Variants in SLC6A6 observed in about 807,000 individuals in gnomAD.
SLC6A6 encodes sodium- and chloride-dependent taurine transporter.
SLC6A6 carries 16 observed loss-of-function variants against 68.8 expected under a neutral mutation model. That is an observed-to-expected ratio of 0.23 (90% CI 0.16 to 0.35). The LOEUF is 0.35. SLC6A6 is among the 10% of genes least tolerant of loss of function. SLC6A6 has a pLI of 1.00. For missense variants in SLC6A6, 474 were observed against 802.8 expected, an observed-to-expected ratio of 0.59 and a Z score of 4.95; for synonymous variants, 312 against 315.4, an observed-to-expected ratio of 0.99 and a Z score of 0.12.
chr3:14,440,312 G>C (rs1390113552), intron 2 of SLC6A6, among the ~76,000 whole-genome samples: 1 of 152,112 alleles, frequency 6.6e-6, no homozygotes, highest in Admixed American at 6.5e-5. Context: ...CAGGGTGCCT[G>C]GGGCAGCTGG....
At chr3:14,470,308 C>T (rs1310711451) in intron 9 of SLC6A6, among the ~76,000 whole-genome samples, 1 of 152,214 alleles carries the variant, frequency 6.6e-6, no homozygotes, top group Non-Finnish European at 1.5e-5. Flanking sequence ...GATTATTTCT[C>T]TAATAAGCTT....
chr3:14,456,857 G>GA, intron 5 of SLC6A6, among the ~76,000 whole-genome samples: 1 of 152,244 alleles, frequency 6.6e-6, no homozygotes, highest in Non-Finnish European at 1.5e-5. Flanking sequence ...AAACACCCTG[G>GA]AGCATGCAGA....
chr3:14,422,356 C>CT (rs1699504054), intron 2 of SLC6A6, among the ~76,000 whole-genome samples: 1 of 152,164 alleles, frequency 6.6e-6, no homozygotes, highest in Admixed American at 6.5e-5. Context: ...TGTGTGACCT[C>CT]TGATTCGCCA....
intron 2 of SLC6A6, among the ~76,000 whole-genome samples, chr3:14,435,347 C>T (rs748930730): frequency 3.3e-5 from 5 of 152,026 alleles, no homozygotes; most frequent in South Asian, 2.1e-4. Flanking sequence ...TAGCGGAGGT[C>T]GGGGGTCTCT....
chr3:14,421,581 G>T (rs745990988), intron 2 of SLC6A6, among the ~76,000 whole-genome samples: 1 of 152,212 alleles, frequency 6.6e-6, no homozygotes, highest in Non-Finnish European at 1.5e-5. Flanking sequence ...GTTATTGCTC[G>T]TAGTATTGTG....
At chr3:14,444,639 G>C in intron 3 of SLC6A6, 1 of 427,454 alleles carries the variant, frequency 2.3e-6, no homozygotes, top group Non-Finnish European at 4.8e-6. Flanking sequence ...TCAAAGGCTT[G>C]TGTGTCAGCA....
At chr3:14,418,604 G>A (rs1699416882) in intron 2 of SLC6A6, among the ~76,000 whole-genome samples, 1 of 152,216 alleles carries the variant, frequency 6.6e-6, no homozygotes, top group Non-Finnish European at 1.5e-5. Context: ...CCTGGACTCA[G>A]CATGCTCATA....
rs1334833624 is a variant in SLC6A6 at position 14,488,259 on chromosome 3, A to G, written c.*3252A>G. 5 of 152,428 alleles carry G rather than the reference A, an allele frequency of 3.3e-5. No individual in the cohort carries two copies. The highest frequency in any genetic ancestry group is 3.3e-4 in the Admixed American group (5 of 15,270). 9.4% of individuals were successfully genotyped at this position (152,428 alleles called of 1,614,324 possible). On this transcript the variant is annotated 3_prime_UTR_variant, in exon 15 of 15. Transcript: ENST00000622186. ...GCCTTGGATGCTCTCCTTCCAGGACAGCATAACCCCTGGGCCATGTGCAGC... is the reference window on the plus strand; with the variant it reads ...GCCTTGGATGCTCTCCTTCCAGGACGGCATAACCCCTGGGCCATGTGCAGC...
intron 5 of SLC6A6, among the ~76,000 whole-genome samples, chr3:14,449,199 CCTTA>C (rs1700199760): frequency 6.6e-6 from 1 of 152,212 alleles, no homozygotes; most frequent in South Asian, 2.1e-4. Context: ...GGTGTGGAGC[CCTTA>C]CTTGGTCGGT....
At chr3:14,435,839 A>G (rs1056015028) in intron 2 of SLC6A6, among the ~76,000 whole-genome samples, 1 of 152,228 alleles carries the variant, frequency 6.6e-6, no homozygotes, top group Non-Finnish European at 1.5e-5. Flanking sequence ...ATCCAGCCCC[A>G]GTGGGCACCA....
At chr3:14,428,280 G>A (rs769600241) in intron 2 of SLC6A6, among the ~76,000 whole-genome samples, 40 of 152,344 alleles carry the variant, frequency 2.6e-4, no homozygotes, top group Middle Eastern at 3.4e-3. Flanking sequence ...GTTGGCCAGT[G>A]TTTGAGCCCT....
chr3:14,427,223 G>C (rs573266151), intron 2 of SLC6A6, among the ~76,000 whole-genome samples: 1 of 148,176 alleles, frequency 6.7e-6, no homozygotes, highest in South Asian at 2.1e-4. Context: ...AGCTCTTCCA[G>C]ATTAGCCCCA....
rs1025476496 is a variant in SLC6A6, at chr3:14,485,073, C to G, written c.*66C>G. On this transcript the variant is annotated 3_prime_UTR_variant, in exon 15 of 15. Coordinates refer to ENST00000622186, the MANE Select transcript of SLC6A6 (RefSeq NM_003043.6). ...TACTAACATTAGATTCTCATAGGACCAGGTTTACAGAGCTTTATATTTGCA... is the reference window on the plus strand; with the variant it reads ...TACTAACATTAGATTCTCATAGGACGAGGTTTACAGAGCTTTATATTTGCA... The G allele has an allele frequency of 1.5e-6, 2 of 1,367,932 alleles. No individual in the cohort carries two copies. The highest frequency in any genetic ancestry group is 2.4e-5 in the Admixed American group (1 of 42,100). The allele number at this position is 1,367,932 out of a possible 1,614,324, so 84.7% of individuals were successfully genotyped here.
chr3:14,410,517 G>A (rs185403915), intron 1 of SLC6A6, among the ~76,000 whole-genome samples: 2 of 152,334 alleles, frequency 1.3e-5, no homozygotes, highest in Non-Finnish European at 2.9e-5. Flanking sequence ...GCCACTGCAT[G>A]GAATAGAACG....
intron 5 of SLC6A6, among the ~76,000 whole-genome samples, chr3:14,457,323 T>A (rs192754884): frequency 2.6e-4 from 39 of 152,350 alleles, no homozygotes; most frequent in Admixed American, 1.1e-3. Flanking sequence ...GTGCCGGCTG[T>A]GTGCCTGAAA....
chr3:14,474,784 ACTTC>A (rs1204869998), intron 10 of SLC6A6, among the ~76,000 whole-genome samples: 1 of 151,848 alleles, frequency 6.6e-6, no homozygotes, highest in Non-Finnish European at 1.5e-5. Context: ...CCCCAAAATA[ACTTC>A]CTCCTGTTGG....
chr3:14,428,322 A>G (rs1559290512), intron 2 of SLC6A6, among the ~76,000 whole-genome samples: 1 of 152,122 alleles, frequency 6.6e-6, no homozygotes, highest in Non-Finnish European at 1.5e-5. Context: ...TCTGTAAAGC[A>G]CTCGGCGGGC....
chr3:14,414,937 T>A (rs1471071172), intron 1 of SLC6A6, among the ~76,000 whole-genome samples: 2 of 152,252 alleles, frequency 1.3e-5, no homozygotes, highest in African/African-American at 4.8e-5. Context: ...AACCTCGTGC[T>A]TTAAACAGGC....
intron 5 of SLC6A6, among the ~76,000 whole-genome samples, chr3:14,449,385 A>G (rs542559361): frequency 6.6e-6 from 1 of 152,232 alleles, no homozygotes; most frequent in Non-Finnish European, 1.5e-5. Flanking sequence ...CTGAGTTCAC[A>G]GACAAAGAAA....
Sources: allele counts gnomAD v4.1 joint callset (sites outside exome capture counted in the v4.1 genomes callset), GRCh38; gene constraint gnomAD v4.1.1; transcripts MANE v1.5; gene names NCBI Gene and HGNC (gene_info 2026-07-23, HGNC 2026-07-21).